SLC25A21: variants seen among roughly 807,000 people sequenced by gnomAD.
The protein encoded by SLC25A21 is solute carrier family 25 member 21, also known as mitochondrial 2-oxodicarboxylate carrier.
SLC25A21 carries 47 observed loss-of-function variants against 43.8 expected under a neutral mutation model. That is an observed-to-expected ratio of 1.07 (90% confidence interval 0.85 to 1.37). The LOEUF (loss-of-function observed/expected upper bound fraction) is 1.37, where lower values mean the gene tolerates loss of function less well. Among genes scored for constraint, SLC25A21 ranks in the 40% most tolerant of loss-of-function variants. SLC25A21 has a pLI of 0.00. For missense variants in SLC25A21, 352 were observed against 350.2 expected, an observed-to-expected ratio of 1.00 and a Z score of -0.04; for synonymous variants, 131 against 121.3, an observed-to-expected ratio of 1.08 and a Z score of -0.52.
chr14:37,081,788 T>C (rs957961989), intron 1 of SLC25A21, among the ~76,000 whole-genome samples: 1 of 152,162 alleles, frequency 6.6e-6, no homozygotes, highest in Non-Finnish European at 1.5e-5. Flanking sequence ...GACAAAACTA[T>C]GGAAAGAATT....
intron 1 of SLC25A21, among the ~76,000 whole-genome samples, chr14:37,169,840 A>G (rs1270828371): frequency 2.0e-5 from 3 of 152,114 alleles, no homozygotes; most frequent in African/African-American, 7.2e-5. Context: ...TACTATTATG[A>G]AAGTATAAGT....
chr14:36,808,000 G>C (rs1015347183), intron 3 of SLC25A21, among the ~76,000 whole-genome samples: 5 of 152,164 alleles, frequency 3.3e-5, no homozygotes, highest in African/African-American at 1.2e-4. Context: ...TAATCACCAA[G>C]TGGTCTGATT....
chr14:36,978,318 G>C (rs1959929461), intron 1 of SLC25A21, among the ~76,000 whole-genome samples: 1 of 152,172 alleles, frequency 6.6e-6, no homozygotes, highest in Non-Finnish European at 1.5e-5. Context: ...TGGTTTCCCA[G>C]TGCACATAAA....
intron 7 of SLC25A21, among the ~76,000 whole-genome samples, chr14:36,690,758 ACTAT>A (rs1882763344): frequency 6.6e-6 from 1 of 152,164 alleles, no homozygotes; most frequent in South Asian, 2.1e-4. Flanking sequence ...CTGGGATTTC[ACTAT>A]CTGAGTCCTG....
chr14:36,753,944 A>AGG (rs1263092473), intron 3 of SLC25A21, among the ~76,000 whole-genome samples: 1 of 151,788 alleles, frequency 6.6e-6, no homozygotes, highest in Non-Finnish European at 1.5e-5. Flanking sequence ...AGAGAGAGAG[A>AGG]GAGAGAGAGA....
At chr14:36,789,642 G>T (rs76915102) in intron 3 of SLC25A21, among the ~76,000 whole-genome samples, 6 of 142,676 alleles carry the variant, frequency 4.2e-5, no homozygotes, top group Admixed American at 2.2e-4. Context: ...GAGGAAAAAA[G>T]CTTTTCATCC....
At chr14:36,853,086 T>C (rs1889792777) in intron 2 of SLC25A21, among the ~76,000 whole-genome samples, 1 of 152,174 alleles carries the variant, frequency 6.6e-6, no homozygotes, top group Middle Eastern at 3.4e-3. Flanking sequence ...AAACAGAATA[T>C]TACTAAGGAA....
chr14:36,986,122 A>G (rs1268412683), intron 1 of SLC25A21, among the ~76,000 whole-genome samples: 1 of 152,176 alleles, frequency 6.6e-6, no homozygotes, highest in African/African-American at 2.4e-5. Context: ...TTTACAACTG[A>G]AATCTCTCAG....
chr14:37,008,746 T>C (rs1485134949), intron 1 of SLC25A21, among the ~76,000 whole-genome samples: 1 of 151,318 alleles, frequency 6.6e-6, no homozygotes, highest in Non-Finnish European at 1.5e-5. Flanking sequence ...GATTTTTTGT[T>C]CCTTTTTAAT....
At chr14:36,994,670 A>G (rs1047834180) in intron 1 of SLC25A21, among the ~76,000 whole-genome samples, 2 of 152,134 alleles carry the variant, frequency 1.3e-5, no homozygotes, top group African/African-American at 2.4e-5. Flanking sequence ...GATATTGCGT[A>G]TCTGTCTCAA....
rs58398249 is a variant in SLC25A21, at chr14:37,065,524, T to C, written c.70+106757A>G. Among the ~76,000 whole-genome samples, 1,281 of 152,262 alleles carry C rather than the reference T, an allele frequency of 8.4e-3. 22 individuals are homozygous for C. Among genetic ancestry groups the C allele is most frequent in the African/African-American group, 0.029 (1,219 of 41,548 alleles). On this transcript the variant is annotated intron_variant, in intron 1 of 9. Transcript: ENST00000331299. The stretch of plus-strand genomic sequence containing the variant: ...GGAGACAAATTGAAGTGCTTCTCTA[T>C]ATTAAACTGTTTCCCCAAAGGGTTA...
chr14:37,127,475 A>G (rs529858911), intron 1 of SLC25A21, among the ~76,000 whole-genome samples: 3 of 152,258 alleles, frequency 2.0e-5, no homozygotes, highest in Admixed American at 6.5e-5. Flanking sequence ...TTCTTTTTAA[A>G]CTTCCTCTAT....
chr14:36,801,800 G>A (rs146350836), intron 3 of SLC25A21, among the ~76,000 whole-genome samples: 1 of 152,238 alleles, frequency 6.6e-6, no homozygotes, highest in Non-Finnish European at 1.5e-5. Context: ...TATGTACACA[G>A]TTTTTGTCCC....
At chr14:36,750,527 G>A (rs1885666890) in intron 3 of SLC25A21, among the ~76,000 whole-genome samples, 1 of 152,282 alleles carries the variant, frequency 6.6e-6, no homozygotes, top group East Asian at 1.9e-4. Context: ...GACATTGTAT[G>A]AGACATGAGC....
chr14:37,141,822 A>AT (rs1479744497), intron 1 of SLC25A21, among the ~76,000 whole-genome samples: 2 of 152,098 alleles, frequency 1.3e-5, no homozygotes, highest in Non-Finnish European at 2.9e-5. Flanking sequence ...CTATTTCTAC[A>AT]TTTTCGTCTG....
intron 1 of SLC25A21, among the ~76,000 whole-genome samples, chr14:37,042,024 T>G (rs1961483750): frequency 6.6e-6 from 1 of 152,226 alleles, no homozygotes; most frequent in Admixed American, 6.5e-5. Flanking sequence ...TTTAAGCAAT[T>G]TCTGCTAGGA....
chr14:36,935,587 C>T (rs116253350), intron 1 of SLC25A21, among the ~76,000 whole-genome samples: 1,728 of 152,258 alleles, frequency 0.011, 30 homozygotes, highest in African/African-American at 0.039. Context: ...TGGCACTGTT[C>T]AACATCTGAC....
intron 1 of SLC25A21, among the ~76,000 whole-genome samples, chr14:36,933,171 T>C (rs912304811): frequency 2.0e-5 from 3 of 152,180 alleles, no homozygotes; most frequent in Non-Finnish European, 4.4e-5. Flanking sequence ...GCTGCATGAC[T>C]GACAGTTCCT....
chr14:37,161,855 C>T (rs536733173), intron 1 of SLC25A21, among the ~76,000 whole-genome samples: 134 of 149,688 alleles, frequency 9.0e-4, no homozygotes, highest in African/African-American at 3.1e-3. Context: ...CCCAGCTACT[C>T]GGCAGGCTGA....
Sources: allele counts gnomAD v4.1 joint callset (sites outside exome capture counted in the v4.1 genomes callset), GRCh38; gene constraint gnomAD v4.1.1; transcripts MANE v1.5; gene names NCBI Gene and HGNC (gene_info 2026-07-23, HGNC 2026-07-21).